KLHL15: variants seen among roughly 807,000 people sequenced by gnomAD.
The protein encoded by KLHL15 is kelch like family member 15.
In KLHL15, 1 loss-of-function variant was observed where a neutral mutation model predicts 29.3. The ratio of observed to expected loss-of-function variants is 0.03; its 90% confidence interval spans 0.01 to 0.16. The LOEUF (loss-of-function observed/expected upper bound fraction) is 0.16. Ranked by LOEUF, KLHL15 falls within the 10% of genes least tolerant of loss-of-function variation. KLHL15 has a pLI of 1.00. For missense variants in KLHL15, 215 were observed against 478.5 expected (o/e 0.45, Z 5.14); for synonymous variants, 212 against 184.5 (o/e 1.15, Z -1.21).
chrX:23,996,940 G>A (rs764969879), intron 3 of KLHL15, among the ~76,000 whole-genome samples: 1 of 112,385 alleles, frequency 8.9e-6, no homozygotes, highest in Admixed American at 9.5e-5. Flanking sequence ...TGAAAAATCA[G>A]TTCATGCTAA....
At chrX:24,016,391 G>A (rs1185894573) in intron 2 of KLHL15, among the ~76,000 whole-genome samples, 1 of 102,875 alleles carries the variant, frequency 9.7e-6, no homozygotes, top group Non-Finnish European at 2.0e-5. Flanking sequence ...TTGGCCAGGT[G>A]CAGTGGCTCA....
At chrX:23,991,548 A>C (rs781189962) in intron 3 of KLHL15, among the ~76,000 whole-genome samples, 6 of 110,616 alleles carry the variant, frequency 5.4e-5, no homozygotes, top group Non-Finnish European at 1.1e-4. Context: ...ACAAACAAAC[A>C]AACCAAAACC....
intron 2 of KLHL15, among the ~76,000 whole-genome samples, chrX:24,008,749 T>C (rs1228373728): frequency 9.2e-6 from 1 of 109,223 alleles, no homozygotes; most frequent in Non-Finnish European, 1.9e-5. Context: ...ATCCCCTACA[T>C]GCTCAGGTTG....
chrX:24,026,643 GCGATAATTATCTCT>G (rs1172048869), intron 1 of KLHL15, among the ~76,000 whole-genome samples: 11 of 93,566 alleles, frequency 1.2e-4, no homozygotes, highest in African/African-American at 4.5e-4. Flanking sequence ...GTCGCTAAAA[GCGATAATTATCTCT>G]TTCTAGCAAA....
At chrX:24,025,387 G>GGGGGCCGCTC (rs1491554914) in intron 1 of KLHL15, among the ~76,000 whole-genome samples, 1 of 106,523 alleles carries the variant, frequency 9.4e-6, no homozygotes, top group Non-Finnish European at 2.0e-5. Flanking sequence ...GCCACGAGCC[G>GGGGGCCGCTC]GGGGCCGCTC....
chrX:23,988,449 A>G lies in KLHL15; in HGVS notation c.1287T>C (p.Phe429=). The G allele has an allele frequency of 5.0e-6, 6 of 1,211,598 alleles. No individual in the cohort carries two copies. The highest frequency in any genetic ancestry group is 6.7e-6 in the Non-Finnish European group (6 of 895,394). The change falls in exon 4 of 4, where the codon TTT becomes TTC. Residue 429 remains phenylalanine (F), a synonymous_variant. Coordinates refer to ENST00000328046, the MANE Select transcript of KLHL15 (RefSeq NM_030624.3). The part of the protein sequence containing the change: ...HEGTVLNNKL[F]ITGGITSSST... Reference sequence around the variant, plus strand: ...AAGATGAGGTGATTCCACCGGTGATAAACAATTTGTTATTGAGCACTGTCC... The same window carrying G: ...AAGATGAGGTGATTCCACCGGTGATGAACAATTTGTTATTGAGCACTGTCC...
In KLHL15 at chrX:23,985,047, T is replaced by C. The variant is rs753670873; in HGVS notation, c.*2874A>G. ...AACCTTCAAAGTGAGAATCTTGCATTTTAAGAAAAGGCTGTAGTGCAAGGA... is the reference window on the plus strand; with the variant it reads ...AACCTTCAAAGTGAGAATCTTGCATCTTAAGAAAAGGCTGTAGTGCAAGGA... On this transcript the variant is annotated 3_prime_UTR_variant, in exon 4 of 4. Transcript: ENST00000328046. 1 of 112,301 alleles carries C rather than the reference T, an allele frequency of 8.9e-6. No individual in the cohort carries two copies. The highest frequency in any genetic ancestry group is 1.9e-5 in the Non-Finnish European group (1 of 53,233). 9.3% of individuals were successfully genotyped at this position (112,301 alleles called of 1,213,427 possible).
chrX:24,008,343 C>T (rs1348530852), intron 2 of KLHL15, among the ~76,000 whole-genome samples: 1 of 111,727 alleles, frequency 9.0e-6, no homozygotes. Flanking sequence ...CGGGTTCAAG[C>T]GATTCTTGTG....
At chrX:23,992,026 A>G (rs1345189459) in intron 3 of KLHL15, among the ~76,000 whole-genome samples, 1 of 112,060 alleles carries the variant, frequency 8.9e-6, no homozygotes, top group Non-Finnish European at 1.9e-5. Context: ...CAAATTAAAT[A>G]TTTAAGTGCC....
intron 3 of KLHL15, among the ~76,000 whole-genome samples, chrX:23,992,523 G>T (rs769952698): frequency 1.8e-5 from 2 of 112,025 alleles, no homozygotes; most frequent in Admixed American, 1.9e-4. Context: ...ATGGGAGGAA[G>T]CTTTAGAGAA....
chrX:23,998,648 C>A (rs934104674), intron 3 of KLHL15, among the ~76,000 whole-genome samples: 1 of 111,803 alleles, frequency 8.9e-6, no homozygotes, highest in Non-Finnish European at 1.9e-5. Flanking sequence ...TATGATAGAA[C>A]AGGAAAGCCA....
In KLHL15 at chrX:24,024,231, C is replaced by G. The variant is rs796142229; in HGVS notation, c.-8+626G>C. 5.4e-5 allele frequency among the ~76,000 whole-genome samples: 6 copies of G among 111,928 alleles called. No individual in the cohort carries two copies. The East Asian group carries it at 1.7e-3, about 31-fold the overall frequency. ...ATTACAGATCTATGGATTCACAGCA[C>G]TGCTTTACTATTATTCCGTACTTAT... On this transcript the variant is annotated intron_variant, in intron 2 of 3. Coordinates refer to ENST00000328046, the MANE Select transcript of KLHL15 (RefSeq NM_030624.3).
At chrX:23,992,980 T>A (rs1479133878) in intron 3 of KLHL15, among the ~76,000 whole-genome samples, 1 of 111,434 alleles carries the variant, frequency 9.0e-6, no homozygotes, top group Non-Finnish European at 1.9e-5. Context: ...CCCACCCCCA[T>A]CCCATAGGGT....
intron 2 of KLHL15, among the ~76,000 whole-genome samples, chrX:24,020,982 TC>T (rs1602018957): frequency 8.9e-6 from 1 of 112,188 alleles, no homozygotes; most frequent in African/African-American, 3.2e-5. Flanking sequence ...GGTATTTTTT[TC>T]TATCCATTCT....
intron 2 of KLHL15, among the ~76,000 whole-genome samples, chrX:24,017,532 C>T (rs993935482): frequency 9.1e-6 from 1 of 110,031 alleles, no homozygotes; most frequent in Non-Finnish European, 1.9e-5. Context: ...TATAATCCCA[C>T]CACTTTGGGA....
chrX:23,991,621 C>T (rs1929089829), intron 3 of KLHL15, among the ~76,000 whole-genome samples: 1 of 111,890 alleles, frequency 8.9e-6, no homozygotes, highest in African/African-American at 3.2e-5. Context: ...GCAGGCGGAT[C>T]ACAAGGTCAG....
rs904683486 is a variant in KLHL15, at chrX:24,006,834, A to G, written c.-7-134T>C. ...GTCCAAAATGTACAAGTCCTTTGGG[A>G]GAAGACAATCTAAAGGTTTGCAGAC... On this transcript the variant is annotated intron_variant, in intron 2 of 3. Transcript: ENST00000328046. 4.9e-5 allele frequency: 24 copies of G among 491,816 alleles called. No individual in the cohort carries two copies. In the South Asian group the frequency reaches 8.3e-4, roughly 17 times the overall value. 40.5% of individuals were successfully genotyped at this position (491,816 alleles called of 1,213,427 possible).
intron 3 of KLHL15, among the ~76,000 whole-genome samples, chrX:23,993,874 T>C (rs1929132924): frequency 9.4e-6 from 1 of 106,423 alleles, no homozygotes; most frequent in African/African-American, 3.4e-5. Context: ...ACAAAAATAA[T>C]AATAATTAAA....
chrX:23,999,475 A>G (rs992705451), intron 3 of KLHL15, among the ~76,000 whole-genome samples: 61 of 108,242 alleles, frequency 5.6e-4, no homozygotes, highest in Non-Finnish European at 9.9e-4. Flanking sequence ...GGCGCCTGTA[A>G]TCCCAGCTAC....
Sources: allele counts gnomAD v4.1 joint callset (sites outside exome capture counted in the v4.1 genomes callset), GRCh38; gene constraint gnomAD v4.1.1; transcripts MANE v1.5; gene names NCBI Gene and HGNC (gene_info 2026-07-23, HGNC 2026-07-21).